The following OTUD7A variants were observed in gnomAD, a reference collection of about 807,000 sequenced individuals.
The protein encoded by OTUD7A is OTU domain-containing protein 7A.
OTUD7A carries 12 observed loss-of-function variants against 65.7 expected under a neutral mutation model. The observed-to-expected ratio is 0.18, with a 90% CI of 0.12 to 0.30. The LOEUF is 0.30. OTUD7A is among the 10% of genes least tolerant of loss of function. The pLI, the probability that OTUD7A is intolerant of heterozygous loss-of-function variation, is 1.00. For missense variants in OTUD7A, 1,148 were observed against 1,304.8 expected (o/e 0.88, Z 1.85); for synonymous variants, 641 against 586.3 (o/e 1.09, Z -1.35).
intron 1 of OTUD7A, among the ~76,000 whole-genome samples, chr15:31,847,411 C>T (rs529743144): frequency 2.0e-5 from 3 of 152,250 alleles, no homozygotes; most frequent in East Asian, 1.9e-4. Context: ...TGTTCCTTCT[C>T]GTTCCTTTAC....
intron 1 of OTUD7A, among the ~76,000 whole-genome samples, chr15:31,856,165 T>A (rs1400442871): frequency 1.3e-5 from 2 of 152,260 alleles, no homozygotes; most frequent in African/African-American, 4.8e-5. Context: ...AGTACTTTTT[T>A]AGTTAAAATA....
intron 1 of OTUD7A, among the ~76,000 whole-genome samples, chr15:31,715,000 G>T (rs542966428): frequency 9.9e-6 from 1 of 100,764 alleles, no homozygotes; most frequent in Non-Finnish European, 2.4e-5. Flanking sequence ...GCCGGGTGTG[G>T]TGGTGGGCAC....
chr15:31,868,351 G>A (rs1226484120), intron 1 of OTUD7A, among the ~76,000 whole-genome samples: 1 of 152,182 alleles, frequency 6.6e-6, no homozygotes, highest in African/African-American at 2.4e-5. Context: ...CCATAAACGT[G>A]GTGAATATTT....
At chr15:31,635,478 T>C (rs1595674465) in intron 3 of OTUD7A, among the ~76,000 whole-genome samples, 1 of 152,124 alleles carries the variant, frequency 6.6e-6, no homozygotes, top group Non-Finnish European at 1.5e-5. Context: ...CAGCAGCCAA[T>C]GGAACCAGGC....
intron 5 of OTUD7A, among the ~76,000 whole-genome samples, chr15:31,531,520 C>CAAAAAAAAAAAAAAAAA (rs60332452): frequency 1.0e-4 from 8 of 80,152 alleles, no homozygotes; most frequent in East Asian, 9.6e-4. Flanking sequence ...GAGTAGGCCA[C>CAAAAAAAAAAAAAAAAA]AAAAAAAAAA....
At chr15:31,521,176 T>C (rs913022499) in intron 8 of OTUD7A, among the ~76,000 whole-genome samples, 5 of 152,216 alleles carry the variant, frequency 3.3e-5, no homozygotes, top group African/African-American at 7.2e-5. Context: ...CAATGTTCAC[T>C]ACTTGGGTAA....
At chr15:31,607,167 C>G (rs1470057751) in intron 3 of OTUD7A, among the ~76,000 whole-genome samples, 1 of 152,174 alleles carries the variant, frequency 6.6e-6, no homozygotes, top group Admixed American at 6.5e-5. Context: ...GTTACTTTCC[C>G]CATTGGGAAT....
At chr15:31,721,173 C>T (rs1285492502) in intron 1 of OTUD7A, among the ~76,000 whole-genome samples, 1 of 152,258 alleles carries the variant, frequency 6.6e-6, no homozygotes, top group Admixed American at 6.5e-5. Flanking sequence ...ATGACTGTAC[C>T]TCTATGTAAT....
At chr15:31,562,730 T>C (rs1172458335) in intron 4 of OTUD7A, among the ~76,000 whole-genome samples, 1 of 152,126 alleles carries the variant, frequency 6.6e-6, no homozygotes, top group Non-Finnish European at 1.5e-5. Flanking sequence ...GAGACAGAAA[T>C]ATTTTAGGCT....
intron 1 of OTUD7A, among the ~76,000 whole-genome samples, chr15:31,824,247 C>T (rs2140975874): frequency 6.6e-6 from 1 of 152,344 alleles, no homozygotes; most frequent in South Asian, 2.1e-4. Flanking sequence ...CTTATCCAAG[C>T]ACTCCTCAGA....
In OTUD7A at chr15:31,503,752, A is replaced by G. The variant is rs999814753; in HGVS notation, c.960T>C (p.His320=). 3.7e-6 allele frequency: 6 copies of G among 1,614,010 alleles called. No individual in the cohort carries two copies. Among genetic ancestry groups the G allele is most frequent in the Non-Finnish European group, 5.1e-6 (6 of 1,179,992 alleles). Residue 320 remains histidine (H), a synonymous_variant, in exon 9 of 13, where the codon CAT becomes CAC. Transcript: ENST00000307050. Reference sequence around the variant, plus strand: ...CAACAACGATGGGCCTTCTTAATATATGGGCTAGGACAAAAACGTGGAACT... The same window carrying G: ...CAACAACGATGGGCCTTCTTAATATGTGGGCTAGGACAAAAACGTGGAACT... ...LEEFHVFVLA[H]ILRRPIVVVA... is the part of the protein sequence containing the mutation.
At chr15:31,518,255 TGAGGTCAG>T (rs998817592) in intron 8 of OTUD7A, among the ~76,000 whole-genome samples, 1 of 151,970 alleles carries the variant, frequency 6.6e-6, no homozygotes, top group Non-Finnish European at 1.5e-5. Context: ...GGGTGGATCA[TGAGGTCAG>T]GAGATCGAGA....
intron 1 of OTUD7A, among the ~76,000 whole-genome samples, chr15:31,727,209 C>T (rs1893916054): frequency 6.6e-6 from 1 of 152,226 alleles, no homozygotes; most frequent in Non-Finnish European, 1.5e-5. Flanking sequence ...TGGCTCATCT[C>T]TCAACCTCAC....
chr15:31,659,064 TAAATAAATAAATAAATA>T (rs1234153439), intron 1 of OTUD7A, among the ~76,000 whole-genome samples: 4,002 of 123,244 alleles, frequency 0.032, 172 homozygotes, highest in African/African-American at 0.11. Context: ...AATAAATAAA[TAAATAAATAAATAAATA>T]AAATAAAATT....
At chr15:31,599,225 G>A (rs1286423678) in intron 3 of OTUD7A, among the ~76,000 whole-genome samples, 1 of 152,226 alleles carries the variant, frequency 6.6e-6, no homozygotes, top group Non-Finnish European at 1.5e-5. Flanking sequence ...ACACCTCCCA[G>A]GAGGGGCCAA....
At chr15:31,555,209 C>T (rs1010123763) in intron 5 of OTUD7A, among the ~76,000 whole-genome samples, 5 of 152,178 alleles carry the variant, frequency 3.3e-5, no homozygotes, top group African/African-American at 1.2e-4. Flanking sequence ...TCAGAACCAC[C>T]TGAGCCCTGG....
intron 3 of OTUD7A, among the ~76,000 whole-genome samples, chr15:31,641,343 G>C (rs967317636): frequency 7.2e-5 from 11 of 151,990 alleles, no homozygotes; most frequent in African/African-American, 2.7e-4. Context: ...CCCAGTCTTG[G>C]GTATTTCTTC....
chr15:31,504,660 C>T (rs868289857), intron 8 of OTUD7A, among the ~76,000 whole-genome samples: 10 of 150,884 alleles, frequency 6.6e-5, no homozygotes, highest in South Asian at 2.1e-4. Context: ...CAGACTTGTT[C>T]CTGAGTGTTT....
intron 3 of OTUD7A, among the ~76,000 whole-genome samples, chr15:31,635,924 A>G (rs1397662273): frequency 1.3e-5 from 2 of 152,262 alleles, no homozygotes; most frequent in East Asian, 3.8e-4. Flanking sequence ...CTCCGGCAGC[A>G]TGAAAACAGG....
Sources: allele counts gnomAD v4.1 joint callset (sites outside exome capture counted in the v4.1 genomes callset), GRCh38; gene constraint gnomAD v4.1.1; transcripts MANE v1.5; gene names NCBI Gene and HGNC (gene_info 2026-07-23, HGNC 2026-07-21).